The following PLCG2 variants were observed in gnomAD, a reference collection of about 807,000 sequenced individuals.
PLCG2 encodes the protein 1-phosphatidylinositol 4,5-bisphosphate phosphodiesterase gamma-2.
A neutral mutation model predicts 175.6 loss-of-function variants in PLCG2; 69 were observed. The observed-to-expected ratio is 0.39, with a 90% CI of 0.32 to 0.48. The LOEUF (loss-of-function observed/expected upper bound fraction) is 0.48. Among genes scored for constraint, PLCG2 ranks in the 20% least tolerant of loss-of-function variants. PLCG2 has a pLI of 0.91. For missense variants in PLCG2, 1,798 were observed against 1,650.9 expected, an observed-to-expected ratio of 1.09 and a Z score of -1.54; for synonymous variants, 827 against 624.0, an observed-to-expected ratio of 1.33 and a Z score of -4.85.
At chr16:81,818,588 G>A (rs2143324849) in intron 2 of PLCG2, among the ~76,000 whole-genome samples, 1 of 152,222 alleles carries the variant, frequency 6.6e-6, no homozygotes, top group African/African-American at 2.4e-5. Context: ...GGTGGGGGCT[G>A]TGTTTCTGGA....
chr16:81,820,889 G>C (rs1904768548), intron 2 of PLCG2, among the ~76,000 whole-genome samples: 1 of 151,704 alleles, frequency 6.6e-6, no homozygotes, highest in Non-Finnish European at 1.5e-5. Context: ...CTGAGTAGGT[G>C]GGATTACAGG....
chr16:81,741,078 G>C (rs1198258419), intron 1 of PLCG2, among the ~76,000 whole-genome samples: 1 of 152,182 alleles, frequency 6.6e-6, no homozygotes, highest in African/African-American at 2.4e-5. Context: ...AGCGCTCTTG[G>C]CCTTTGTTTT....
intron 2 of PLCG2, among the ~76,000 whole-genome samples, chr16:81,760,226 G>A (rs1194668426): frequency 1.3e-5 from 2 of 152,218 alleles, no homozygotes; most frequent in Non-Finnish European, 2.9e-5. Context: ...TACATAGCCA[G>A]AAACAAAGCA....
intron 7 of PLCG2, among the ~76,000 whole-genome samples, chr16:81,874,096 C>A (rs557721323): frequency 6.6e-6 from 1 of 152,286 alleles, no homozygotes; most frequent in East Asian, 1.9e-4. Flanking sequence ...GAGCCTGCCC[C>A]TGGTTGTACT....
chr16:81,923,387 C>A, intron 21 of PLCG2, 98 bp from the exon 22 acceptor site: 1 of 686,940 alleles, frequency 1.5e-6, no homozygotes. Context: ...AAGCCTCCTG[C>A]TCCCCAATGA....
At chr16:81,846,730 C>G (rs911192614) in intron 2 of PLCG2, among the ~76,000 whole-genome samples, 1 of 152,088 alleles carries the variant, frequency 6.6e-6, no homozygotes, top group African/African-American at 2.4e-5. Context: ...CAACACAATC[C>G]CAACCAAAAT....
At chr16:81,765,280 A>G (rs1349404157) in intron 2 of PLCG2, among the ~76,000 whole-genome samples, 1 of 152,254 alleles carries the variant, frequency 6.6e-6, no homozygotes, top group East Asian at 1.9e-4. Flanking sequence ...ATTCCCAGCA[A>G]CCACCCAAAG....
chr16:81,903,401 A>T (rs773519674), intron 14 of PLCG2, among the ~76,000 whole-genome samples: 1 of 152,240 alleles, frequency 6.6e-6, no homozygotes, highest in African/African-American at 2.4e-5. Flanking sequence ...TGGTGCCCCC[A>T]TGGGTAAGAG....
At chr16:81,884,165 A>T (rs912699862) in intron 9 of PLCG2, among the ~76,000 whole-genome samples, 21 of 152,236 alleles carry the variant, frequency 1.4e-4, no homozygotes, top group African/African-American at 5.1e-4. Flanking sequence ...TACCTGGCCA[A>T]CATGGTGAAA....
intron 2 of PLCG2, among the ~76,000 whole-genome samples, chr16:81,837,182 A>G (rs566836347): frequency 3.3e-5 from 5 of 152,390 alleles, no homozygotes; most frequent in African/African-American, 1.2e-4. Flanking sequence ...ATACATATAC[A>G]TGCAGTGCTG....
chr16:81,940,498 C>T (rs1369157922), intron 30 of PLCG2, among the ~76,000 whole-genome samples: 3 of 152,086 alleles, frequency 2.0e-5, no homozygotes, highest in Non-Finnish European at 4.4e-5. Context: ...CTCCCCAAAC[C>T]CTTCAGAATT....
intron 25 of PLCG2, among the ~76,000 whole-genome samples, chr16:81,933,805 GC>G (rs1360835872): frequency 6.6e-6 from 1 of 152,206 alleles, no homozygotes; most frequent in African/African-American, 2.4e-5. Context: ...ATTTGGGGAG[GC>G]CCAACAGGGT....
At chr16:81,812,791 G>GT (rs1442604696) in intron 2 of PLCG2, among the ~76,000 whole-genome samples, 5 of 151,990 alleles carry the variant, frequency 3.3e-5, no homozygotes, top group East Asian at 1.9e-4. Flanking sequence ...TTTTTCTAGG[G>GT]TTTTTTATGG....
At chr16:81,770,184 AC>A (rs1910246656) in intron 2 of PLCG2, among the ~76,000 whole-genome samples, 2 of 152,234 alleles carry the variant, frequency 1.3e-5, no homozygotes, top group Admixed American at 1.3e-4. Flanking sequence ...CACTGAACAC[AC>A]CCACGCCCAC....
chr16:81,842,945 C>T (rs1265472187), intron 2 of PLCG2: 1 of 108,792 alleles, frequency 9.2e-6, no homozygotes, highest in Non-Finnish European at 1.8e-5. Flanking sequence ...CTAGGAGACT[C>T]AGTGTGTGGG....
chr16:81,795,852 A>G (rs985478424), intron 2 of PLCG2, among the ~76,000 whole-genome samples: 2 of 152,218 alleles, frequency 1.3e-5, no homozygotes, highest in African/African-American at 2.4e-5. Flanking sequence ...GGCATGGGCC[A>G]CTGTGCCCGG....
intron 21 of PLCG2, chr16:81,921,528 A>C: frequency 2.1e-6 from 1 of 472,412 alleles, no homozygotes; most frequent in Non-Finnish European, 3.9e-6. Flanking sequence ...TTTGGGCCAA[A>C]TGGCTTCTAA....
chr16:81,844,790 A>G (rs1243921187), intron 2 of PLCG2, among the ~76,000 whole-genome samples: 1 of 152,272 alleles, frequency 6.6e-6, no homozygotes, highest in East Asian at 1.9e-4. Context: ...ATGTACATGT[A>G]CACATGGCCA....
chr16:81,743,485 C>G (rs925484404), intron 1 of PLCG2, among the ~76,000 whole-genome samples: 1 of 152,190 alleles, frequency 6.6e-6, no homozygotes, highest in African/African-American at 2.4e-5. Flanking sequence ...AGCCAGGAGG[C>G]TGGAAGGAGT....
Sources: allele counts gnomAD v4.1 joint callset (sites outside exome capture counted in the v4.1 genomes callset), GRCh38; gene constraint gnomAD v4.1.1; transcripts MANE v1.5; gene names NCBI Gene and HGNC (gene_info 2026-07-23, HGNC 2026-07-21).